DHX8: variants seen among roughly 807,000 people sequenced by gnomAD.
DHX8 encodes the protein DEAH-box helicase 8, also known as ATP-dependent RNA helicase DHX8.
A neutral mutation model predicts 140.7 loss-of-function variants in DHX8; 67 were observed. That is an observed-to-expected ratio of 0.48 (90% CI 0.39 to 0.58). The LOEUF is 0.58. DHX8 is among the 20% of genes least tolerant of loss of function. The pLI is 0.00. For missense variants in DHX8, 887 were observed against 1,550.7 expected (o/e 0.57, Z 7.19); for synonymous variants, 533 against 553.2 (o/e 0.96, Z 0.51).
chr17:43,504,602 G>A (rs1370099410), intron 11 of DHX8, 42 bp from the exon 12 acceptor site: 23 of 1,547,696 alleles, frequency 1.5e-5, no homozygotes, highest in Non-Finnish European at 2.0e-5. Context: ...ACATCTTGAG[G>A]TAGCTTGAGG....
intron 15 of DHX8, 31 bp from the exon 16 acceptor site, chr17:43,508,308 A>G: frequency 6.3e-7 from 1 of 1,592,804 alleles, no homozygotes; most frequent in Non-Finnish European, 8.5e-7. Flanking sequence ...ACACACACAG[A>G]AAGTAGATGA....
chr17:43,493,734 C>A lies in DHX8; in HGVS notation c.1060C>A (p.Leu354Ile), dbSNP rs1171316106. 1 of 1,614,216 alleles carries A rather than the reference C, an allele frequency of 6.2e-7. No homozygotes were observed. The highest frequency in any genetic ancestry group is 8.5e-7 in the Non-Finnish European group (1 of 1,180,038). The change falls in exon 8 of 23, where the codon CTT (leucine) becomes ATT (isoleucine). Residue 354 changes from leucine (L) to isoleucine (I), a missense_variant. Around this residue, in one of 9 missense-constraint regions of DHX8, gnomAD observed 98 missense variants for 152.7 expected, o/e 0.64. Coordinates refer to ENST00000262415, the MANE Select transcript of DHX8 (RefSeq NM_004941.3). ...TCTAAACCCAAATAGACGGCGAAAT[C>A]TTGTCGGGGAGACCAATGAGGAGAC... ...EDLNPNRRRN[L>I]VGETNEETSM...
At chr17:43,532,164 C>A (rs1295525133) in intron 2 of DHX8, among the ~76,000 whole-genome samples, 1 of 152,110 alleles carries the variant, frequency 6.6e-6, no homozygotes, top group Non-Finnish European at 1.5e-5. Context: ...GCCCCGGGGG[C>A]CCCCCTTATC....
chr17:43,529,721 TC>T (rs991909084), downstream of DHX8: 22 of 1,591,742 alleles, frequency 1.4e-5, no homozygotes, highest in Admixed American at 3.1e-4. Context: ...TGTCTTTTGG[TC>T]CCCCAAGCAA....
At chr17:43,490,898 C>T (rs1402484894) in intron 3 of DHX8, among the ~76,000 whole-genome samples, 4 of 151,788 alleles carry the variant, frequency 2.6e-5, no homozygotes, top group Non-Finnish European at 4.4e-5. Flanking sequence ...AAATTTCAAA[C>T]GACTTAAGAC....
chr17:43,504,826 G>A lies in DHX8; in HGVS notation c.1728+1G>A. 3 of 1,612,260 alleles carry A rather than the reference G, an allele frequency of 1.9e-6. No individual in the cohort carries two copies. Among genetic ancestry groups the A allele is most frequent in the Non-Finnish European group, 2.5e-6 (3 of 1,179,286 alleles). On this transcript the variant is annotated splice_donor_variant, in intron 12 of 22. Coordinates refer to ENST00000262415, the MANE Select transcript of DHX8 (RefSeq NM_004941.3). LOFTEE classifies it high-confidence loss of function. ...CAAACTGAAGGAGCAATTGGTCCAG[G>A]TGAGAAGACTTTTATGATGTATTGG...
Position 43,492,194 on chromosome 17 carries a change from T to G in DHX8, c.405T>G (p.Asp135Glu). ...PDNPSVRTML[D>E]EDDVKVAVDV... Reference sequence around the variant, plus strand: ...CTCTACCTCTGCAGACCATGTTGGATGAAGATGATGTGAAAGTTGCTGTGG... The same window carrying G: ...CTCTACCTCTGCAGACCATGTTGGAGGAAGATGATGTGAAAGTTGCTGTGG... Residue 135 changes from aspartate to glutamate, a missense_variant, in exon 5 of 23, where the codon GAT becomes GAG. Transcript: ENST00000262415. 6.2e-7 allele frequency: 1 copy of G among 1,613,986 alleles called. No individual in the cohort carries two copies. The highest frequency in any genetic ancestry group is 8.5e-7 in the Non-Finnish European group (1 of 1,179,906).
chr17:43,541,406 G>A (rs1284493927), intron 3 of DHX8, among the ~76,000 whole-genome samples: 2 of 152,182 alleles, frequency 1.3e-5, no homozygotes, highest in African/African-American at 4.8e-5. Context: ...GCTCCATCCC[G>A]GTACTAAGAT....
chr17:43,492,807 C>T lies in DHX8; in HGVS notation c.630C>T (p.Ser210=), dbSNP rs1968610738. 1 of 1,614,120 alleles carries T rather than the reference C, an allele frequency of 6.2e-7. No individual in the cohort carries two copies. Among genetic ancestry groups the T allele is most frequent in the Non-Finnish European group, 8.5e-7 (1 of 1,180,018 alleles). Residue 210 remains serine (S), a synonymous_variant, in exon 6 of 23, where the codon TCC becomes TCT. Transcript: ENST00000262415. ...RRHRSRSRSR[S]RTRERNKVKS... Reference sequence around the variant, plus strand: ...ACCGATCCCGCTCTCGATCACGTTCCAGGACCCGGGAGAGGAATAAAGTGA... The same window carrying T: ...ACCGATCCCGCTCTCGATCACGTTCTAGGACCCGGGAGAGGAATAAAGTGA...
At chr17:43,543,008 T>C (rs1205613946) in intron 3 of DHX8, among the ~76,000 whole-genome samples, 2 of 151,972 alleles carry the variant, frequency 1.3e-5, no homozygotes, top group Non-Finnish European at 2.9e-5. Flanking sequence ...TGGGGTGGTG[T>C]TGGGATGGTG....
intron 8 of DHX8, among the ~76,000 whole-genome samples, chr17:43,495,065 CG>C (rs1466735431): frequency 6.6e-6 from 1 of 152,024 alleles, no homozygotes; most frequent in African/African-American, 2.4e-5. Flanking sequence ...TCTCCCACCT[CG>C]GCCTCCCAAA....
At chr17:43,508,180 TATA>T (rs1262670734) in intron 15 of DHX8, among the ~76,000 whole-genome samples, 156 bp from the exon 16 acceptor site, 1 of 152,228 alleles carries the variant, frequency 6.6e-6, no homozygotes, top group African/African-American at 2.4e-5. Flanking sequence ...TGATGGTGGT[TATA>T]ATGTCATATA....
intron 3 of DHX8, among the ~76,000 whole-genome samples, chr17:43,538,473 G>C (rs998494384): frequency 6.6e-6 from 1 of 152,162 alleles, no homozygotes; most frequent in Admixed American, 6.5e-5. Flanking sequence ...GATCCGAAGA[G>C]CTCTCCCAGG....
chr17:43,512,837 G>T (rs2154586754), intron 16 of DHX8, among the ~76,000 whole-genome samples: 1 of 152,258 alleles, frequency 6.6e-6, no homozygotes, highest in South Asian at 2.1e-4. Flanking sequence ...CACGCAAACT[G>T]TGAAATTCCT....
At chr17:43,522,343 C>T (rs185394551) in intron 22 of DHX8, 117 bp downstream of exon 22, 142 of 1,014,536 alleles carry the variant, frequency 1.4e-4, no homozygotes, top group Non-Finnish European at 1.5e-4. Context: ...TATAACACTG[C>T]TTGCCTTTCT....
At chr17:43,533,051 G>T in intron 2 of DHX8, 2 of 1,492,816 alleles carry the variant, frequency 1.3e-6, no homozygotes, top group Middle Eastern at 2.0e-4. Flanking sequence ...GTAGGGGGTT[G>T]GGGTGTCAGT....
At chr17:43,536,563 G>GCAACAGCCAAGAAAGGAC in intron 3 of DHX8, 1 of 1,229,390 alleles carries the variant, frequency 8.1e-7, no homozygotes, top group Non-Finnish European at 1.2e-6. Flanking sequence ...CTGCAGATTA[G>GCAACAGCCAAGAAAGGAC]CAACAGCCAA....
chr17:43,513,709 C>CTTTTTTT (rs34829204), intron 17 of DHX8, among the ~76,000 whole-genome samples: 40 of 105,932 alleles, frequency 3.8e-4, no homozygotes, highest in African/African-American at 1.0e-3. Context: ...AGTTTTTAAT[C>CTTTTTTT]TTTTTTTTTT....
In DHX8 at chr17:43,523,677, G is replaced by A. The variant is rs762393659; in HGVS notation, c.3493G>A (p.Val1165Ile). 6.2e-7 allele frequency: 1 copy of A among 1,614,172 alleles called. No individual in the cohort carries two copies. Among genetic ancestry groups the A allele is most frequent in the South Asian group, 1.1e-5 (1 of 91,074 alleles). ...VLTTKEYMREVTTIDPRWLVE... is the reference protein window; with the variant it reads ...VLTTKEYMREITTIDPRWLVE... The stretch of plus-strand genomic sequence containing the variant: ...CACCACCAAGGAATACATGCGTGAA[G>A]TTACCACCATCGACCCTCGGTGGCT... The change falls in exon 23 of 23, where the codon GTT (valine) becomes ATT (isoleucine). Residue 1165 changes from valine (V) to isoleucine (I), a missense_variant. By Grantham distance (29) the Val-to-Ile change is conservative. This residue lies in a region of DHX8 where 101 missense variants were observed against 168.2 expected (regional missense o/e 0.60). Coordinates refer to ENST00000262415, the MANE Select transcript of DHX8 (RefSeq NM_004941.3).
Sources: gnomAD v4.1 joint callset for allele counts (sites outside exome capture counted in the v4.1 genomes callset) on GRCh38, gnomAD v4.1.1 for gene constraint, gnomAD v4.1.1 regional missense constraint, MANE v1.5 for transcripts, NCBI Gene and HGNC (gene_info 2026-07-23, HGNC 2026-07-21) for gene names.